CALN1: variants seen among roughly 807,000 people sequenced by gnomAD.
The protein encoded by CALN1 is calcium-binding protein 8.
CALN1 carries 17 observed loss-of-function variants against 30.6 expected under a neutral mutation model. The observed-to-expected ratio is 0.56, with a 90% confidence interval of 0.38 to 0.83. The LOEUF (loss-of-function observed/expected upper bound fraction) is 0.83, where lower values mean the gene tolerates loss of function less well. Among genes scored for constraint, CALN1 ranks in the 40% least tolerant of loss-of-function variants. The pLI is 0.00. For synonymous variants in CALN1, 156 were observed against 131.4 expected, an observed-to-expected ratio of 1.19 and a Z score of -1.28; for missense variants, 291 against 354.9, an observed-to-expected ratio of 0.82 and a Z score of 1.45.
intron 2 of CALN1, among the ~76,000 whole-genome samples, chr7:72,335,854 GT>G (rs1202716003): frequency 6.6e-6 from 1 of 152,160 alleles, no homozygotes; most frequent in East Asian, 1.9e-4. Flanking sequence ...TGGATGGGGC[GT>G]CCCCCGCTCG....
At chr7:72,079,196 T>C (rs1357020350) in intron 4 of CALN1, among the ~76,000 whole-genome samples, 2 of 152,168 alleles carry the variant, frequency 1.3e-5, no homozygotes, top group Non-Finnish European at 2.9e-5. Flanking sequence ...AAAGACATCA[T>C]TGTTCAGATC....
intron 2 of CALN1, among the ~76,000 whole-genome samples, chr7:72,330,078 G>C (rs1452395276): frequency 6.6e-6 from 1 of 150,884 alleles, no homozygotes; most frequent in African/African-American, 2.4e-5. Flanking sequence ...ATCACCTGAG[G>C]TGTCAGGAGT....
chr7:71,803,133 C>T (rs1200125549), intron 6 of CALN1, among the ~76,000 whole-genome samples: 1 of 152,088 alleles, frequency 6.6e-6, no homozygotes, highest in Non-Finnish European at 1.5e-5. Context: ...TGCTTTTAAC[C>T]AAATATTCTC....
At chr7:72,483,613 T>TC in the CALN1 span, among the ~76,000 whole-genome samples, 5 of 152,298 alleles carry the variant, frequency 3.3e-5, no homozygotes, top group South Asian at 1.0e-3. Flanking sequence ...TGCCTTGAGT[T>TC]TATTGAGATT....
At chr7:72,338,449 G>GTTTT (rs1469072449) in intron 2 of CALN1, among the ~76,000 whole-genome samples, 10 of 148,154 alleles carry the variant, frequency 6.7e-5, no homozygotes, top group Non-Finnish European at 1.0e-4. Context: ...AAGTTTGGGC[G>GTTTT]TTTTTGTCAG....
intron 2 of CALN1, among the ~76,000 whole-genome samples, chr7:72,309,148 A>C (rs1032539719): frequency 6.6e-6 from 1 of 151,996 alleles, no homozygotes; most frequent in Non-Finnish European, 1.5e-5. Context: ...TGCCTTTTTC[A>C]TTTTCTCACC....
chr7:72,127,719 G>T (rs185800093), intron 3 of CALN1, among the ~76,000 whole-genome samples: 1 of 152,212 alleles, frequency 6.6e-6, no homozygotes, highest in African/African-American at 2.4e-5. Flanking sequence ...TGATGTGCCT[G>T]GTATGGTGTA....
At chr7:71,985,437 A>T (rs2129527451) in intron 5 of CALN1, among the ~76,000 whole-genome samples, 1 of 152,262 alleles carries the variant, frequency 6.6e-6, no homozygotes, top group Middle Eastern at 3.4e-3. Flanking sequence ...TGAGCCCAGC[A>T]GTTGAAGACC....
At chr7:72,098,962 T>C (rs1806445076) in intron 4 of CALN1, among the ~76,000 whole-genome samples, 2 of 152,156 alleles carry the variant, frequency 1.3e-5, no homozygotes, top group African/African-American at 4.8e-5. Context: ...GTTCCATGTG[T>C]AGCCGGCAAG....
chr7:72,295,377 T>C (rs1223949617), intron 2 of CALN1, among the ~76,000 whole-genome samples: 1 of 152,144 alleles, frequency 6.6e-6, no homozygotes, highest in Non-Finnish European at 1.5e-5. Context: ...AACTTTAAAG[T>C]AGTTTTTTCC....
intron 5 of CALN1, among the ~76,000 whole-genome samples, chr7:71,811,674 T>C (rs1318091125): frequency 8.1e-6 from 1 of 123,882 alleles, no homozygotes; most frequent in Non-Finnish European, 1.7e-5. Flanking sequence ...GCTTTCTTTT[T>C]TCTTTTTTTT....
chr7:71,816,504 A>T (rs183129981), intron 5 of CALN1, among the ~76,000 whole-genome samples: 35 of 152,338 alleles, frequency 2.3e-4, no homozygotes, highest in African/African-American at 7.5e-4. Flanking sequence ...AAGGTCAACA[A>T]GACTCAGAAA....
chr7:72,278,308 A>G (rs1199576498), intron 3 of CALN1, among the ~76,000 whole-genome samples: 1 of 152,158 alleles, frequency 6.6e-6, no homozygotes, highest in Non-Finnish European at 1.5e-5. Flanking sequence ...TCCCCTGCAG[A>G]TGGACTCCAT....
In CALN1 at chr7:72,311,651, A is replaced by AT. The variant is rs56197069; in HGVS notation, c.120-32842dup. Among the ~76,000 whole-genome samples the AT allele has an allele frequency of 6.0e-4, 29 of 48,528 alleles. 1 individual carries two copies. Among genetic ancestry groups the AT allele is most frequent in the African/African-American group, 2.1e-3 (27 of 12,580 alleles). 31.8% of individuals were successfully genotyped at this position (48,528 alleles called of 152,430 possible). On this transcript the variant is annotated intron_variant, in intron 2 of 6. Coordinates refer to ENST00000395275, the MANE Select transcript of CALN1 (RefSeq NM_031468.4). Reference sequence around the variant, plus strand: ...CATGCCACCACAACGCCTGGCTGAGATTTTTTTTTTTTTTTTTTTTTTTTT... The same window carrying AT: ...CATGCCACCACAACGCCTGGCTGAGATTTTTTTTTTTTTTTTTTTTTTTTTT...
At chr7:71,875,433 T>C (rs778470564) in intron 5 of CALN1, among the ~76,000 whole-genome samples, 1 of 152,078 alleles carries the variant, frequency 6.6e-6, no homozygotes, top group Non-Finnish European at 1.5e-5. Flanking sequence ...TTTTGCAGAT[T>C]GGGAAAACAT....
At chr7:72,272,008 G>A (rs1456647795) in intron 3 of CALN1, among the ~76,000 whole-genome samples, 1 of 150,332 alleles carries the variant, frequency 6.7e-6, no homozygotes, top group Non-Finnish European at 1.5e-5. Flanking sequence ...GTTGCAGTGA[G>A]CTGAGATCGT....
At chr7:72,053,123 G>A (rs972401751) in intron 4 of CALN1, among the ~76,000 whole-genome samples, 1 of 152,274 alleles carries the variant, frequency 6.6e-6, no homozygotes, top group Non-Finnish European at 1.5e-5. Context: ...CCAGCTACTC[G>A]GGAGGCTGAA....
chr7:71,875,141 G>C (rs995215261), intron 5 of CALN1, among the ~76,000 whole-genome samples: 12 of 143,846 alleles, frequency 8.3e-5, no homozygotes, highest in Non-Finnish European at 1.5e-4. Flanking sequence ...CTCCAGCCTG[G>C]GTAAAGGAGA....
intron 2 of CALN1, among the ~76,000 whole-genome samples, chr7:72,399,628 C>A (rs1183114835): frequency 6.6e-6 from 1 of 152,080 alleles, no homozygotes; most frequent in Non-Finnish European, 1.5e-5. Flanking sequence ...GTAGGGATCA[C>A]CTTCTTAAAA....
Sources: allele counts gnomAD v4.1 joint callset (sites outside exome capture counted in the v4.1 genomes callset), GRCh38; gene constraint gnomAD v4.1.1; transcripts MANE v1.5; gene names NCBI Gene and HGNC (gene_info 2026-07-23, HGNC 2026-07-21).